Variants in PRDM4 observed in about 807,000 individuals in gnomAD.
PRDM4 encodes PR domain zinc finger protein 4.
A neutral mutation model predicts 62.3 loss-of-function variants in PRDM4; 38 were observed. The observed-to-expected ratio is 0.61, with a 90% CI of 0.47 to 0.80. The LOEUF is 0.80. PRDM4 is among the 30% of genes least tolerant of loss of function. The pLI, the probability that PRDM4 is intolerant of heterozygous loss-of-function variation, is 0.00. For missense variants in PRDM4, 858 were observed against 997.1 expected, an observed-to-expected ratio of 0.86 and a Z score of 1.88; for synonymous variants, 339 against 348.2, an observed-to-expected ratio of 0.97 and a Z score of 0.30.
At chr12:107,736,300 G>A (rs954406011) in intron 11 of PRDM4, among the ~76,000 whole-genome samples, 1 of 152,194 alleles carries the variant, frequency 6.6e-6, no homozygotes, top group African/African-American at 2.4e-5. Context: ...ACGAAGCCAG[G>A]TAAAAGTGAA....
chr12:107,754,907 C>T (rs547760114), intron 3 of PRDM4: 3 of 152,212 alleles, frequency 2.0e-5, no homozygotes, highest in Admixed American at 1.3e-4. Flanking sequence ...TACATGTACA[C>T]CTTCATACAA....
Position 107,740,886 on chromosome 12 carries a change from T to C in PRDM4, c.1924+60A>G, listed in dbSNP as rs373558267. 4 of 1,523,056 alleles carry C rather than the reference T, an allele frequency of 2.6e-6. No individual in the cohort carries two copies. In the African/African-American group the frequency reaches 5.5e-5, roughly 21 times the overall value. 94.3% of individuals were successfully genotyped at this position (1,523,056 alleles called of 1,614,324 possible). ...CACCTACAATCCCTCTACAAAGCCTTTACTACCGCATTTTCTAATTGTTGC... is the reference window on the plus strand; with the variant it reads ...CACCTACAATCCCTCTACAAAGCCTCTACTACCGCATTTTCTAATTGTTGC... On this transcript the variant is annotated intron_variant, in intron 10 of 11. Transcript: ENST00000228437.
rs765810913 is a variant in PRDM4, at chr12:107,734,431, C to A, written c.2185G>T (p.Asp729Tyr). The change falls in exon 12 of 12, where the codon GAT becomes TAT. Residue 729 changes from aspartate (D) to tyrosine (Y), a missense_variant. Around this residue, in one of 3 missense-constraint regions of PRDM4, gnomAD observed 355 missense variants for 432.6 expected, o/e 0.82. Transcript: ENST00000228437. ...TTTGTACATTTTTCACAGACATAAT[C>A]CCGTTTTCCTTCATGAGAATTGAGA... is the stretch of plus-strand genomic sequence containing the variant. ...KHLNSHEGKR[D>Y]YVCEKCTKAY... is the part of the protein sequence containing the mutation. 1 of 1,614,024 alleles carries A rather than the reference C, an allele frequency of 6.2e-7. No individual in the cohort carries two copies. Among genetic ancestry groups the A allele is most frequent in the African/African-American group, 1.3e-5 (1 of 74,914 alleles).
In PRDM4 at chr12:107,741,259, ACCTTTT is replaced by A. The variant is rs1593164414; in HGVS notation, c.1610-5_1610del. ...GATGCACATCTGGGTGTTCAGGAAC[ACCTTTT>A]AAAAAAAAATTACTCATTATCTCCC... On this transcript the variant is annotated splice_acceptor_variant and splice_polypyrimidine_tract_variant and coding_sequence_variant and intron_variant, in exon 10 of 12. Transcript: ENST00000228437. LOFTEE classifies it high-confidence loss of function. 2 of 1,597,934 alleles carry A rather than the reference ACCTTTT, an allele frequency of 1.3e-6. No homozygotes were observed. Among genetic ancestry groups the A allele is most frequent in the Non-Finnish European group, 8.6e-7 (1 of 1,169,454 alleles).
chr12:107,733,618 C>G lies in PRDM4; in HGVS notation c.*592G>C, dbSNP rs745418276. ...GCTGCTTTTTTATTTGCCCTCCAGG[C>G]ACCTGCCGAAACTTTGGAAAACAAG... On this transcript the variant is annotated 3_prime_UTR_variant, in exon 12 of 12. Coordinates refer to ENST00000228437, the MANE Select transcript of PRDM4 (RefSeq NM_012406.4). The G allele has an allele frequency of 1.3e-5, 2 of 152,306 alleles. No individual in the cohort carries two copies. The highest frequency in any genetic ancestry group is 4.8e-5 in the African/African-American group (2 of 41,356). The allele number at this position is 152,306 out of a possible 1,614,324, so 9.4% of individuals were successfully genotyped here.
chr12:107,760,797 C>T, intron 1 of PRDM4, 26 bp from the exon 2 acceptor site: 3 of 419,932 alleles, frequency 7.1e-6, no homozygotes, highest in Middle Eastern at 1.3e-3. Context: ...CAAGAGCGGT[C>T]ACCAAAACCA....
At chr12:107,757,027 T>C (rs1011652908) in intron 2 of PRDM4, 62 bp from the exon 3 acceptor site, 4 of 1,552,692 alleles carry the variant, frequency 2.6e-6, no homozygotes, top group South Asian at 2.3e-5. Flanking sequence ...TGTATTAAGA[T>C]ACTGAAGAAA....
At position 107,751,781 on chromosome 12, in the gene PRDM4, C is replaced by T. The variant is rs1314685928; in HGVS notation, c.760G>A (p.Val254Met). 6.2e-7 allele frequency: 1 copy of T among 1,614,230 alleles called. No homozygotes were observed. Among genetic ancestry groups the T allele is most frequent in the Admixed American group, 1.7e-5 (1 of 60,024 alleles). The change falls in exon 5 of 12, where the codon GTG (valine) becomes ATG (methionine). Residue 254 changes from valine to methionine, a missense_variant. Val to Met is a conservative substitution (Grantham distance 21). Around this residue, in one of 3 missense-constraint regions of PRDM4, gnomAD observed 499 missense variants for 546.7 expected, o/e 0.91. Transcript: ENST00000228437. ...AGGCCATTCCCATGCATGGGTATCACACCACCATGTCCTACAGCGTCTGCT... is the reference window on the plus strand; with the variant it reads ...AGGCCATTCCCATGCATGGGTATCATACCACCATGTCCTACAGCGTCTGCT... ...LAADAVGHGG[V>M]IPMHGNGLEL...
chr12:107,758,257 T>TG (rs1200450542), intron 2 of PRDM4: 1 of 144,592 alleles, frequency 6.9e-6, no homozygotes, highest in East Asian at 2.0e-4. Flanking sequence ...TTTTTTTTTT[T>TG]TTTTGTTTTT....
chr12:107,735,175 T>C (rs1445406181), intron 11 of PRDM4, among the ~76,000 whole-genome samples: 5 of 152,042 alleles, frequency 3.3e-5, no homozygotes, highest in African/African-American at 1.2e-4. Flanking sequence ...ATTTGAACAT[T>C]TTTATACTTG....
At chr12:107,738,463 A>G (rs58580053) in intron 11 of PRDM4, 1 of 152,342 alleles carries the variant, frequency 6.6e-6, no homozygotes, top group African/African-American at 2.4e-5. Context: ...CAAATTCTAC[A>G]TTAAGAATAT....
rs760609975 is a variant in PRDM4, at chr12:107,753,906, A to C, written c.331+18T>G. 79 of 1,591,628 alleles carry C rather than the reference A, an allele frequency of 5.0e-5. No homozygotes were observed. Among genetic ancestry groups the C allele is most frequent in the Non-Finnish European group, 6.2e-5 (72 of 1,170,134 alleles). ...GCCGTTCTTTTTCTCTAACATCTCAAGTAACTGTAACACTTACCAGGTAGA... is the reference window on the plus strand; with the variant it reads ...GCCGTTCTTTTTCTCTAACATCTCACGTAACTGTAACACTTACCAGGTAGA... On this transcript the variant is annotated intron_variant, in intron 4 of 11. Transcript: ENST00000228437.
At chr12:107,755,693 T>G (rs1164080262) in intron 3 of PRDM4, among the ~76,000 whole-genome samples, 1 of 152,220 alleles carries the variant, frequency 6.6e-6, no homozygotes, top group Non-Finnish European at 1.5e-5. Context: ...CCTAAAGAAC[T>G]GACAGCTTAT....
intron 6 of PRDM4, among the ~76,000 whole-genome samples, chr12:107,746,073 G>T (rs1890692661): frequency 6.6e-6 from 1 of 152,172 alleles, no homozygotes; most frequent in East Asian, 1.9e-4. Flanking sequence ...TCTAACAAAG[G>T]AGAGATTTCC....
chr12:107,758,139 A>C (rs1891118206), intron 2 of PRDM4: 1 of 152,142 alleles, frequency 6.6e-6, no homozygotes, highest in African/African-American at 2.4e-5. Context: ...CCATTTTATC[A>C]ATCAACCTGA....
chr12:107,741,541 C>G (rs1466891222), intron 9 of PRDM4, among the ~76,000 whole-genome samples: 1 of 151,750 alleles, frequency 6.6e-6, no homozygotes. Context: ...AAGACCCCAT[C>G]TCCATAAAAA....
chr12:107,734,344 T>C lies in PRDM4; in HGVS notation c.2272A>G (p.Ser758Gly), dbSNP rs747926890. Residue 758 changes from serine to glycine, a missense_variant, in exon 12 of 12, where the codon AGT becomes GGT. Transcript: ENST00000228437. ...TCTTCCTCCTCTGGTGCTGACGAAC[T>C]GGAGGTGGGCCCTTTGCAGGTTTTC... is the stretch of plus-strand genomic sequence containing the variant. ...HLKTCKGPTS[S>G]SSAPEEEEED... is the part of the protein sequence containing the mutation. 6.2e-7 allele frequency: 1 copy of C among 1,614,100 alleles called. No individual in the cohort carries two copies. The highest frequency in any genetic ancestry group is 8.5e-7 in the Non-Finnish European group (1 of 1,180,024).
rs202179037 is a variant in PRDM4 at position 107,742,382 on chromosome 12, A to G, written c.1482-34T>C. Reference sequence around the variant, plus strand: ...TCACATTTAATAGATCAAGCACATTAATTTTGAAATGCATACTAAGTACAA... The same window carrying G: ...TCACATTTAATAGATCAAGCACATTGATTTTGAAATGCATACTAAGTACAA... On this transcript the variant is annotated intron_variant, in intron 8 of 11. Coordinates refer to ENST00000228437, the MANE Select transcript of PRDM4 (RefSeq NM_012406.4). 4.3e-5 allele frequency: 69 copies of G among 1,608,994 alleles called. No homozygotes were observed. In the East Asian group the frequency reaches 1.4e-3, roughly 33 times the overall value.
intron 3 of PRDM4, among the ~76,000 whole-genome samples, chr12:107,756,112 G>A (rs943884906): frequency 1.3e-5 from 2 of 151,080 alleles, no homozygotes; most frequent in African/African-American, 2.4e-5. Context: ...AAAAGAAAAT[G>A]AGCCAGGTGT....
Sources: allele counts gnomAD v4.1 joint callset (sites outside exome capture counted in the v4.1 genomes callset), GRCh38; gene constraint gnomAD v4.1.1; regional missense constraint gnomAD v4.1.1; transcripts MANE v1.5; gene names NCBI Gene and HGNC (gene_info 2026-07-23, HGNC 2026-07-21).